The following WWOX variants were observed in gnomAD, a reference collection of about 807,000 sequenced individuals.
The protein encoded by WWOX is WW domain containing oxidoreductase.
WWOX carries 69 observed loss-of-function variants against 46.2 expected under a neutral mutation model. That is an observed-to-expected ratio of 1.49 (90% CI 1.23 to 1.82). The LOEUF is 1.82. Among genes scored for constraint, WWOX ranks in the 40% most tolerant of loss-of-function variants. The pLI is 0.00. For missense variants in WWOX, 919 were observed against 542.6 expected (o/e 1.69, Z -6.89); for synonymous variants, 359 against 202.6 (o/e 1.77, Z -6.56).
chr16:78,550,023 A>G (rs76449596), intron 8 of WWOX, among the ~76,000 whole-genome samples: 11,866 of 152,274 alleles, frequency 0.078, 557 homozygotes, highest in East Asian at 0.12. Context: ...AAAACACGCA[A>G]TACACATTCA....
At chr16:79,025,077 A>G (rs1052344463) in intron 8 of WWOX, among the ~76,000 whole-genome samples, 3 of 152,090 alleles carry the variant, frequency 2.0e-5, no homozygotes, top group African/African-American at 4.8e-5. Context: ...CTCCCTCCCC[A>G]TTCCACTCCC....
rs375688716 is a variant in WWOX, at chr16:78,321,749, G to C, written c.517-65111G>C. Among the ~76,000 whole-genome samples, 63 of 152,256 alleles carry C rather than the reference G, an allele frequency of 4.1e-4. 2 individuals are homozygous for C. In the East Asian group the frequency reaches 0.012, roughly 29 times the overall value. ...TGAGAACACAGGCTTGGTGCCTGGCGTCAGCACACACATCACAGGCCCTCC... is the reference window on the plus strand; with the variant it reads ...TGAGAACACAGGCTTGGTGCCTGGCCTCAGCACACACATCACAGGCCCTCC... On this transcript the variant is annotated intron_variant, in intron 5 of 8. Transcript: ENST00000566780.
intron 5 of WWOX, among the ~76,000 whole-genome samples, chr16:78,315,057 C>G (rs1386691072): frequency 3.9e-5 from 6 of 152,180 alleles, no homozygotes. Context: ...CACCATCTAT[C>G]AATCATCTAT....
intron 8 of WWOX, among the ~76,000 whole-genome samples, chr16:78,969,632 G>T (rs2046431948): frequency 1.3e-5 from 2 of 152,092 alleles, no homozygotes; most frequent in Non-Finnish European, 1.5e-5. Flanking sequence ...TTTCATGCAA[G>T]GTGCTGTTTA....
In WWOX at chr16:78,934,562, C is replaced by G. The variant is rs1278708742; in HGVS notation, c.1057-277046C>G. On this transcript the variant is annotated intron_variant, in intron 8 of 8. Transcript: ENST00000566780. ...ACAACTTACCAAACCAAGAAACTTA[C>G]AGAGAACATGATTAGAAGCTAGCAT... 3.5e-5 allele frequency among the ~76,000 whole-genome samples: 5 copies of G among 141,028 alleles called. No homozygotes were observed. The East Asian group carries it at 8.5e-4, about 24-fold the overall frequency. The allele number at this position is 141,028 out of a possible 152,430, so 92.5% of individuals were successfully genotyped here. A position where few individuals can be genotyped will look rare whatever the true frequency, so the allele number is the denominator to read the frequency against.
chr16:78,626,330 CA>C (rs1476058928), intron 8 of WWOX, among the ~76,000 whole-genome samples: 2 of 152,204 alleles, frequency 1.3e-5, no homozygotes, highest in Non-Finnish European at 2.9e-5. Context: ...ATTTAATTGT[CA>C]GGTCTCCTTA....
At chr16:78,144,494 C>CAA (rs2034124970) in intron 4 of WWOX, among the ~76,000 whole-genome samples, 1 of 9,922 alleles carries the variant, frequency 1.0e-4, no homozygotes, top group Non-Finnish European at 1.6e-4. Context: ...TATACACACA[C>CAA]ACACACATAT....
intron 8 of WWOX, chr16:78,890,481 C>T (rs1398789288): frequency 6.6e-6 from 1 of 151,892 alleles, no homozygotes; most frequent in African/African-American, 2.4e-5. Flanking sequence ...GGCTTGTCCA[C>T]AAGTTGCTGT....
At chr16:79,152,321 C>T (rs1354181648) in intron 8 of WWOX, among the ~76,000 whole-genome samples, 2 of 152,214 alleles carry the variant, frequency 1.3e-5, no homozygotes, top group East Asian at 3.9e-4. Flanking sequence ...CCTCCTGAAT[C>T]AGGAGTGGAA....
intron 8 of WWOX, among the ~76,000 whole-genome samples, chr16:78,616,457 G>A (rs1348788586): frequency 6.6e-6 from 1 of 151,216 alleles, no homozygotes; most frequent in East Asian, 2.0e-4. Flanking sequence ...ACTCTCTGGG[G>A]TATCTTTTAA....
intron 8 of WWOX, among the ~76,000 whole-genome samples, chr16:78,474,876 G>A (rs1418367392): frequency 1.3e-5 from 2 of 152,094 alleles, no homozygotes; most frequent in Non-Finnish European, 2.9e-5. Context: ...CATGCATCAT[G>A]TTTTCAAGAT....
At chr16:78,684,684 T>G (rs191347014) in intron 8 of WWOX, among the ~76,000 whole-genome samples, 2 of 152,166 alleles carry the variant, frequency 1.3e-5, no homozygotes, top group Non-Finnish European at 2.9e-5. Context: ...GGACCTGTTA[T>G]CTTCTTCCAG....
intron 8 of WWOX, among the ~76,000 whole-genome samples, chr16:78,719,787 A>G (rs1467689369): frequency 1.3e-5 from 2 of 152,200 alleles, no homozygotes; most frequent in Non-Finnish European, 2.9e-5. Flanking sequence ...AACCAGGGGT[A>G]TTATGTTTTC....
At chr16:79,099,229 G>C (rs755468089) in intron 8 of WWOX, among the ~76,000 whole-genome samples, 2 of 152,182 alleles carry the variant, frequency 1.3e-5, no homozygotes, top group Non-Finnish European at 2.9e-5. Context: ...CCTCCCGGTA[G>C]GCTCCATCTC....
intron 8 of WWOX, among the ~76,000 whole-genome samples, chr16:79,098,189 C>T (rs568438919): frequency 6.6e-6 from 1 of 152,162 alleles, no homozygotes; most frequent in South Asian, 2.1e-4. Flanking sequence ...ATGCCTGGGC[C>T]TCACCATCCA....
chr16:78,321,144 C>T (rs1316878073), intron 5 of WWOX, among the ~76,000 whole-genome samples: 1 of 151,630 alleles, frequency 6.6e-6, no homozygotes, highest in Non-Finnish European at 1.5e-5. Context: ...ATTTCTGTTG[C>T]AAAAAGGAAT....
intron 8 of WWOX, among the ~76,000 whole-genome samples, chr16:78,678,750 C>G (rs925069456): frequency 6.6e-6 from 1 of 152,250 alleles, no homozygotes; most frequent in Middle Eastern, 3.4e-3. Context: ...CGATAGGAAA[C>G]TGACCTTTTT....
chr16:78,623,131 C>T (rs114269872), intron 8 of WWOX, among the ~76,000 whole-genome samples: 146 of 152,102 alleles, frequency 9.6e-4, no homozygotes, highest in African/African-American at 3.4e-3. Context: ...TAGATTTCAG[C>T]ATGGTAAGAC....
chr16:78,697,346 T>G (rs1163189428), intron 8 of WWOX, among the ~76,000 whole-genome samples: 1 of 152,172 alleles, frequency 6.6e-6, no homozygotes, highest in African/African-American at 2.4e-5. Flanking sequence ...GCATTTTTGG[T>G]AATGGCCATT....
Sources: allele counts gnomAD v4.1 joint callset (sites outside exome capture counted in the v4.1 genomes callset), GRCh38; gene constraint gnomAD v4.1.1; transcripts MANE v1.5; gene names NCBI Gene and HGNC (gene_info 2026-07-23, HGNC 2026-07-21).